Variants in TBX5 observed in about 807,000 individuals in gnomAD.
The protein encoded by TBX5 is T-box transcription factor 5.
In TBX5, 8 loss-of-function variants were observed where a neutral mutation model predicts 51.1. That is an observed-to-expected ratio of 0.16 (90% CI 0.09 to 0.28). The LOEUF (loss-of-function observed/expected upper bound fraction) is 0.28, where lower values mean the gene tolerates loss of function less well. Among genes scored for constraint, TBX5 ranks in the 10% least tolerant of loss-of-function variants. The pLI, the probability that TBX5 is intolerant of heterozygous loss-of-function variation, is 1.00. For missense variants in TBX5, 589 were observed against 671.7 expected, an observed-to-expected ratio of 0.88 and a Z score of 1.36; for synonymous variants, 302 against 266.4, an observed-to-expected ratio of 1.13 and a Z score of -1.30.
At chr12:114,393,235 C>T (rs1871253854) in intron 6 of TBX5, among the ~76,000 whole-genome samples, 1 of 152,170 alleles carries the variant, frequency 6.6e-6, no homozygotes, top group Admixed American at 6.5e-5. Context: ...GTTCCCCCTC[C>T]ACCCCAGCCT....
chr12:114,398,499 A>G, intron 5 of TBX5, 74 bp downstream of exon 5: 1 of 1,566,514 alleles, frequency 6.4e-7, no homozygotes, highest in Middle Eastern at 1.7e-4. Context: ...CCAAGAAGGG[A>G]GAGAAACCCA....
At chr12:114,382,570 G>C (rs148741874) in intron 7 of TBX5, among the ~76,000 whole-genome samples, 2 of 151,832 alleles carry the variant, frequency 1.3e-5, no homozygotes, top group South Asian at 4.2e-4. Flanking sequence ...AGGCCGAGGC[G>C]GGTGGATTGC....
chr12:114,368,921 G>C (rs1174691987), intron 7 of TBX5, among the ~76,000 whole-genome samples: 5 of 151,840 alleles, frequency 3.3e-5, no homozygotes, highest in African/African-American at 1.2e-4. Context: ...GCACCAGTCA[G>C]AATCTCCCCC....
At chr12:114,408,278 G>A (rs893809666), upstream of TBX5, 1 of 917,072 alleles carries the variant, frequency 1.1e-6, no homozygotes, top group Admixed American at 6.2e-5. Flanking sequence ...TTCTCCGGAG[G>A]AATGAGGGTG....
rs935070500 is a variant in TBX5 at position 114,353,980 on chromosome 12, T to C, written c.*1552A>G. 3 of 152,476 alleles carry C rather than the reference T, an allele frequency of 2.0e-5. No individual in the cohort carries two copies. The highest frequency in any genetic ancestry group is 7.2e-5 in the African/African-American group (3 of 41,402). 9.4% of individuals were successfully genotyped at this position (152,476 alleles called of 1,614,324 possible). ...TTAGGCATTAATTGGCACACAAATA[T>C]AAGGCACGAGTACTTAATCCTCACC... On this transcript the variant is annotated 3_prime_UTR_variant, in exon 9 of 9. Coordinates refer to ENST00000405440, the MANE Select transcript of TBX5 (RefSeq NM_181486.4).
intron 6 of TBX5, among the ~76,000 whole-genome samples, chr12:114,389,744 A>C: frequency 9.4e-6 from 1 of 106,926 alleles, no homozygotes; most frequent in African/African-American, 3.8e-5. Flanking sequence ...ACAGAGCGAG[A>C]CTCCGTCTCA....
chr12:114,395,903 C>G (rs1043933722), intron 5 of TBX5, among the ~76,000 whole-genome samples: 5 of 152,134 alleles, frequency 3.3e-5, no homozygotes, highest in African/African-American at 1.2e-4. Context: ...AGCATCCTCA[C>G]CAATAAAACT....
intron 6 of TBX5, 24 bp downstream of exon 6, chr12:114,394,717 C>T: frequency 6.2e-7 from 1 of 1,613,970 alleles, no homozygotes; most frequent in Non-Finnish European, 8.5e-7. Context: ...GCCCCAGGCA[C>T]TGGTTCCTGG....
chr12:114,368,833 C>T (rs928911808), intron 7 of TBX5, among the ~76,000 whole-genome samples: 1 of 152,000 alleles, frequency 6.6e-6, no homozygotes, highest in East Asian at 1.9e-4. Context: ...CTACAGACAC[C>T]CTCAGGACAC....
intron 6 of TBX5, 147 bp from the exon 7 acceptor site, chr12:114,385,714 C>T: frequency 1.4e-6 from 1 of 714,948 alleles, no homozygotes; most frequent in South Asian, 1.5e-5. Context: ...CAACGGGACC[C>T]ACCACTTCAT....
chr12:114,376,060 A>G (rs1290553039), intron 7 of TBX5, among the ~76,000 whole-genome samples: 1 of 152,142 alleles, frequency 6.6e-6, no homozygotes, highest in Non-Finnish European at 1.5e-5. Flanking sequence ...AAAACAATAT[A>G]TAAATAACAG....
intron 7 of TBX5, among the ~76,000 whole-genome samples, chr12:114,369,827 A>G (rs1431348360): frequency 1.5e-5 from 2 of 133,192 alleles, no homozygotes; most frequent in African/African-American, 5.7e-5. Flanking sequence ...CATCATCATC[A>G]TTCTCATCTA....
At chr12:114,360,473 T>C (rs1451454261) in intron 8 of TBX5, among the ~76,000 whole-genome samples, 1 of 140,538 alleles carries the variant, frequency 7.1e-6, no homozygotes, top group African/African-American at 2.7e-5. Context: ...GGTGGATGGA[T>C]GCATGGATGG....
At chr12:114,378,480 G>T (rs533498772) in intron 7 of TBX5, among the ~76,000 whole-genome samples, 3 of 152,148 alleles carry the variant, frequency 2.0e-5, no homozygotes, top group Non-Finnish European at 4.4e-5. Flanking sequence ...ACCTACCAGC[G>T]ATCGAGCGTC....
At chr12:114,383,580 G>T (rs544555426) in intron 7 of TBX5, among the ~76,000 whole-genome samples, 1 of 152,262 alleles carries the variant, frequency 6.6e-6, no homozygotes, top group East Asian at 1.9e-4. Flanking sequence ...GATCTCTTTG[G>T]TGGCTGCCTA....
chr12:114,389,681 G>A (rs891278018), intron 6 of TBX5, among the ~76,000 whole-genome samples: 1 of 138,922 alleles, frequency 7.2e-6, no homozygotes, highest in African/African-American at 2.7e-5. Context: ...GTGAACCCGG[G>A]AGGCGGAGCT....
rs772109169 is a variant in TBX5 at position 114,356,067 on chromosome 12, G to C, written c.1022C>G (p.Pro341Arg). ...CSTTDHPYKK[P>R]YMETSPSEED... is the part of the protein sequence containing the mutation. Reference sequence around the variant, plus strand: ...TTCACTGGGTGATGTCTCCATGTAGGGCTTCTTATAGGGATGGTCTGTGGT... The same window carrying C: ...TTCACTGGGTGATGTCTCCATGTAGCGCTTCTTATAGGGATGGTCTGTGGT... The change falls in exon 9 of 9, where the codon CCC becomes CGC. Residue 341 changes from proline to arginine, a missense_variant. By Grantham distance (103) the Pro-to-Arg change is moderately radical. Transcript: ENST00000405440. 6.2e-7 allele frequency: 1 copy of C among 1,613,656 alleles called. No homozygotes were observed. Among genetic ancestry groups the C allele is most frequent in the South Asian group, 1.1e-5 (1 of 91,076 alleles).
chr12:114,399,065 C>T (rs1593880690), intron 4 of TBX5, among the ~76,000 whole-genome samples: 1 of 152,304 alleles, frequency 6.6e-6, no homozygotes. Context: ...TGCTGGCAGC[C>T]ATGGGAACGA....
intron 7 of TBX5, among the ~76,000 whole-genome samples, chr12:114,370,767 T>A (rs1869857787): frequency 6.6e-6 from 1 of 152,170 alleles, no homozygotes; most frequent in Non-Finnish European, 1.5e-5. Context: ...AGTTATCATG[T>A]TTATTTTTTT....
Sources: gnomAD v4.1 joint callset for allele counts (sites outside exome capture counted in the v4.1 genomes callset) on GRCh38, gnomAD v4.1.1 for gene constraint, MANE v1.5 for transcripts, NCBI Gene and HGNC (gene_info 2026-07-23, HGNC 2026-07-21) for gene names.